Variants in ADAMTS9 observed in about 807,000 individuals in gnomAD.
The protein encoded by ADAMTS9 is ADAM metallopeptidase with thrombospondin type 1 motif 9, also known as A disintegrin and metalloproteinase with thrombospondin motifs 9.
A neutral mutation model predicts 257.1 loss-of-function variants in ADAMTS9; 107 were observed. That is an observed-to-expected ratio of 0.42 (90% CI 0.36 to 0.49). The LOEUF (loss-of-function observed/expected upper bound fraction) is 0.49. Among genes scored for constraint, ADAMTS9 ranks in the 20% least tolerant of loss-of-function variants. The probability of loss-of-function intolerance (pLI) is 0.03; values close to 1 mark genes in which losing one functional copy is unlikely to be tolerated. For synonymous variants in ADAMTS9, 982 were observed against 880.9 expected (o/e 1.11, Z -2.03); for missense variants, 2,353 against 2,469.1 (o/e 0.95, Z 1.00).
At chr3:64,519,747 C>T (rs1484096376) in intron 39 of ADAMTS9, among the ~76,000 whole-genome samples, 5 of 152,160 alleles carry the variant, frequency 3.3e-5, no homozygotes, top group Non-Finnish European at 7.4e-5. Flanking sequence ...AATCCAACAT[C>T]CCTTCATGAT....
At chr3:64,657,875 A>T (rs1466457473) in intron 4 of ADAMTS9, among the ~76,000 whole-genome samples, 2 of 152,254 alleles carry the variant, frequency 1.3e-5, no homozygotes, top group East Asian at 1.9e-4. Flanking sequence ...TCTGATTTTT[A>T]AAAAATCGTG....
intron 28 of ADAMTS9, chr3:64,584,027 G>A (rs567185369): frequency 2.0e-5 from 3 of 152,252 alleles, no homozygotes; most frequent in East Asian, 1.9e-4. Context: ...GATATGTTAC[G>A]TCTGATTCAA....
chr3:64,530,826 G>A (rs753839036), intron 38 of ADAMTS9, among the ~76,000 whole-genome samples: 1 of 152,104 alleles, frequency 6.6e-6, no homozygotes, highest in Non-Finnish European at 1.5e-5. Context: ...CTGCAGTGCA[G>A]TGGCACTAGA....
intron 29 of ADAMTS9, among the ~76,000 whole-genome samples, chr3:64,567,376 A>G (rs2083571021): frequency 6.6e-6 from 1 of 152,230 alleles, no homozygotes; most frequent in South Asian, 2.1e-4. Context: ...CCGGAAATAC[A>G]GTAAAACTTC....
Position 64,604,014 on chromosome 3 carries a change from C to T in ADAMTS9, c.3655G>A (p.Glu1219Lys), listed in dbSNP as rs183353101. The change falls in exon 25 of 40, where the codon GAG becomes AAG. Residue 1219 changes from glutamate (E) to lysine (K), a missense_variant. Glu to Lys is a moderately conservative substitution (Grantham distance 56). Around this residue, in one of 3 missense-constraint regions of ADAMTS9, gnomAD observed 1,402 missense variants for 1,441.4 expected, o/e 0.97. Coordinates refer to ENST00000498707, the MANE Select transcript of ADAMTS9 (RefSeq NM_182920.2). ...CTAGGCAGGGTAGCACAGGCACTCTCGTCAGCCACAGAGCCATTCTCATCT... is the reference window on the plus strand; with the variant it reads ...CTAGGCAGGGTAGCACAGGCACTCTTGTCAGCCACAGAGCCATTCTCATCT... ...CRDENGSVAD[E>K]SACATLPRPV... is the part of the protein sequence containing the mutation. 9.9e-6 allele frequency: 16 copies of T among 1,614,074 alleles called. No individual in the cohort carries two copies. Among genetic ancestry groups the T allele is most frequent in the African/African-American group, 8.0e-5 (6 of 75,030 alleles).
At chr3:64,653,962 A>G (rs1171703158) in intron 8 of ADAMTS9, among the ~76,000 whole-genome samples, 1 of 147,502 alleles carries the variant, frequency 6.8e-6, no homozygotes, top group Non-Finnish European at 1.5e-5. Flanking sequence ...TGGGGGCCAC[A>G]GTAATGGTGG....
intron 3 of ADAMTS9, among the ~76,000 whole-genome samples, chr3:64,677,673 C>T (rs996980840): frequency 6.6e-6 from 1 of 152,184 alleles, no homozygotes; most frequent in African/African-American, 2.4e-5. Flanking sequence ...TAAATAAACA[C>T]TGTCCTGGGA....
At chr3:64,625,093 T>C (rs1335887351) in intron 16 of ADAMTS9, among the ~76,000 whole-genome samples, 1 of 152,172 alleles carries the variant, frequency 6.6e-6, no homozygotes, top group Non-Finnish European at 1.5e-5. Flanking sequence ...GCCATATATT[T>C]AGGTGAATAA....
chr3:64,568,716 A>T, intron 28 of ADAMTS9, 181 bp from the exon 29 acceptor site: 1 of 657,692 alleles, frequency 1.5e-6, no homozygotes, highest in Non-Finnish European at 2.5e-6. Context: ...ATTGAAAAAA[A>T]AAATGTCCAC....
intron 18 of ADAMTS9, 64 bp from the exon 19 acceptor site, chr3:64,621,304 C>T: frequency 6.6e-7 from 1 of 1,520,762 alleles, no homozygotes; most frequent in Non-Finnish European, 8.9e-7. Flanking sequence ...TATTTAGACC[C>T]CGGATTGGCA....
chr3:64,596,143 A>G (rs913816768), intron 27 of ADAMTS9, among the ~76,000 whole-genome samples: 1 of 152,212 alleles, frequency 6.6e-6, no homozygotes, highest in Non-Finnish European at 1.5e-5. Flanking sequence ...AGTTGGTGCT[A>G]TTACTATCCT....
At chr3:64,570,211 C>A (rs534264655) in intron 28 of ADAMTS9, among the ~76,000 whole-genome samples, 2 of 152,112 alleles carry the variant, frequency 1.3e-5, no homozygotes, top group Non-Finnish European at 2.9e-5. Context: ...AGAAATGTAG[C>A]GATAAACAAA....
At chr3:64,616,970 C>G (rs1699956763) in intron 19 of ADAMTS9, among the ~76,000 whole-genome samples, 1 of 152,090 alleles carries the variant, frequency 6.6e-6, no homozygotes, top group East Asian at 1.9e-4. Flanking sequence ...GAGTTCTGGC[C>G]TCATGCTTAT....
At chr3:64,620,693 G>A (rs1033712505) in intron 19 of ADAMTS9, among the ~76,000 whole-genome samples, 1 of 151,992 alleles carries the variant, frequency 6.6e-6, no homozygotes, top group South Asian at 2.1e-4. Context: ...CAACTTTCAG[G>A]TGTGTAGGAG....
chr3:64,564,359 G>A (rs1050395173), intron 29 of ADAMTS9, among the ~76,000 whole-genome samples: 1 of 152,174 alleles, frequency 6.6e-6, no homozygotes, highest in Admixed American at 6.5e-5. Context: ...GATGTTTAGG[G>A]AATCATAATA....
rs534852798 is a variant in ADAMTS9, at chr3:64,658,877, C to T, written c.680-86G>A. On this transcript the variant is annotated intron_variant, in intron 3 of 39. Transcript: ENST00000498707. The stretch of plus-strand genomic sequence containing the variant: ...TTAATTTGACACATTTTAAATTGAT[C>T]CCTCTGTGGTCAAACTACATACAAA... The T allele has an allele frequency of 6.8e-5, 95 of 1,404,604 alleles. No homozygotes were observed. The African/African-American group carries it at 1.1e-3, about 16-fold the overall frequency. 87.0% of individuals were successfully genotyped at this position (1,404,604 alleles called of 1,614,324 possible). A position where few individuals can be genotyped will look rare whatever the true frequency, so the allele number is the denominator to read the frequency against.
chr3:64,639,293 G>GTTTTGT (rs1700576288), intron 12 of ADAMTS9, among the ~76,000 whole-genome samples: 1 of 56,938 alleles, frequency 1.8e-5, no homozygotes, highest in African/African-American at 8.8e-5. Context: ...TAGGTGGATT[G>GTTTTGT]TTTTTTTTTT....
At chr3:64,630,273 G>T (rs773770644) in intron 16 of ADAMTS9, among the ~76,000 whole-genome samples, 2 of 152,150 alleles carry the variant, frequency 1.3e-5, no homozygotes, top group African/African-American at 4.8e-5. Flanking sequence ...ACAAATTACA[G>T]TGAGACTGGG....
chr3:64,686,000 C>T (rs182220792), intron 2 of ADAMTS9, among the ~76,000 whole-genome samples: 4 of 152,338 alleles, frequency 2.6e-5, no homozygotes, highest in Admixed American at 2.0e-4. Context: ...TGGGACGGGA[C>T]CTGCTCCCTG....
Sources: allele counts gnomAD v4.1 joint callset (sites outside exome capture counted in the v4.1 genomes callset), GRCh38; gene constraint gnomAD v4.1.1; regional missense constraint gnomAD v4.1.1; transcripts MANE v1.5; gene names NCBI Gene and HGNC (gene_info 2026-07-23, HGNC 2026-07-21).